The following PDZD8 variants were observed in gnomAD, a reference collection of about 807,000 sequenced individuals.
The protein encoded by PDZD8 is PDZ domain containing 8, also known as PDZ domain-containing protein 8.
PDZD8 carries 14 observed loss-of-function variants against 85.8 expected under a neutral mutation model. That is an observed-to-expected ratio of 0.16 (90% CI 0.11 to 0.26). The LOEUF is 0.26. Among genes scored for constraint, PDZD8 ranks in the 10% least tolerant of loss-of-function variants. The pLI, the probability that PDZD8 is intolerant of heterozygous loss-of-function variation, is 1.00. For missense variants in PDZD8, 1,197 were observed against 1,424.3 expected, an observed-to-expected ratio of 0.84 and a Z score of 2.57; for synonymous variants, 592 against 568.6, an observed-to-expected ratio of 1.04 and a Z score of -0.59.
rs1355918140 is a variant in PDZD8 at position 117,374,714 on chromosome 10, C to G, written c.514G>C (p.Gly172Arg). The change falls in exon 1 of 5, where the codon GGG becomes CGG. Residue 172 changes from glycine (G) to arginine (R), a missense_variant. By Grantham distance (125) the Gly-to-Arg change is moderately radical. Coordinates refer to ENST00000334464, the MANE Select transcript of PDZD8 (RefSeq NM_173791.5). The surrounding 1 kb of genome is among the most constrained non-coding windows in gnomAD (Gnocchi z 7.8). ...TCCCCTTCAGGGCCATCGGGCTCCC[C>G]GGTGGCCGAGGGCACGACTGGCCGC... ...LVRPVVPSAT[G>R]EPDGPEGEAL... 1 of 1,607,582 alleles carries G rather than the reference C, an allele frequency of 6.2e-7. No individual in the cohort carries two copies. Among genetic ancestry groups the G allele is most frequent in the Non-Finnish European group, 8.5e-7 (1 of 1,177,730 alleles).
chr10:117,368,817 G>A (rs539121986), intron 1 of PDZD8, among the ~76,000 whole-genome samples: 150 of 146,042 alleles, frequency 1.0e-3, no homozygotes, highest in East Asian at 3.4e-3. Context: ...TTCTGGCAGA[G>A]TGACTTTTTA....
intron 2 of PDZD8, among the ~76,000 whole-genome samples, chr10:117,337,402 C>G (rs1301118162): frequency 6.6e-6 from 1 of 152,110 alleles, no homozygotes; most frequent in African/African-American, 2.4e-5. Flanking sequence ...CAGCTTTCAT[C>G]AACTCAAAAA....
chr10:117,279,013 T>C lies in PDZD8; in HGVS notation c.*4255A>G, dbSNP rs977472259. ...TCTCCCTGCCCCCAATACCATATACTTTATTGCAATTTTATTTTTGCCTTT... is the reference window on the plus strand; with the variant it reads ...TCTCCCTGCCCCCAATACCATATACCTTATTGCAATTTTATTTTTGCCTTT... On this transcript the variant is annotated 3_prime_UTR_variant, in exon 5 of 5. Coordinates refer to ENST00000334464, the MANE Select transcript of PDZD8 (RefSeq NM_173791.5). 1 of 152,334 alleles carries C rather than the reference T, an allele frequency of 6.6e-6. No homozygotes were observed. Among genetic ancestry groups the C allele is most frequent in the Middle Eastern group, 3.4e-3 (1 of 294 alleles). 9.4% of individuals were successfully genotyped at this position (152,334 alleles called of 1,614,324 possible).
chr10:117,306,991 T>C (rs561697196), intron 3 of PDZD8, among the ~76,000 whole-genome samples: 1 of 152,144 alleles, frequency 6.6e-6, no homozygotes. Flanking sequence ...ACAGACCTTA[T>C]TCCAGCTGAA....
At chr10:117,373,343 T>C (rs1375218346) in intron 1 of PDZD8, among the ~76,000 whole-genome samples, 1 of 152,128 alleles carries the variant, frequency 6.6e-6, no homozygotes, top group Non-Finnish European at 1.5e-5. Context: ...AGAGAGTAAA[T>C]GCTTGATGGG....
intron 3 of PDZD8, among the ~76,000 whole-genome samples, chr10:117,318,342 TTTTG>T (rs1844166320): frequency 1.3e-5 from 2 of 152,318 alleles, no homozygotes; most frequent in East Asian, 3.9e-4. Flanking sequence ...TGTTCACTTT[TTTTG>T]TTTACCATTT....
chr10:117,359,365 A>T (rs1844955742), intron 1 of PDZD8, among the ~76,000 whole-genome samples: 1 of 151,498 alleles, frequency 6.6e-6, no homozygotes, highest in Non-Finnish European at 1.5e-5. Flanking sequence ...ACACTGAGCC[A>T]TGAGTGTGCC....
Position 117,290,274 on chromosome 10 carries a change from A to C in PDZD8, c.1173T>G (p.Ala391=). 6.2e-7 allele frequency: 1 copy of C among 1,614,028 alleles called. No homozygotes were observed. Among genetic ancestry groups the C allele is most frequent in the Non-Finnish European group, 8.5e-7 (1 of 1,179,890 alleles). Residue 391 remains alanine (A), a synonymous_variant, in exon 4 of 5, where the codon GCT becomes GCG. Coordinates refer to ENST00000334464, the MANE Select transcript of PDZD8 (RefSeq NM_173791.5). ...LRLVQSTDGY[A]GHVIIETVAP... is the part of the protein sequence containing the mutation. ...CCACAGTTTCAATGATGACGTGCCC[A>C]GCATACCCATCAGTTGACTGGACAA...
chr10:117,373,742 T>C (rs926469118), intron 1 of PDZD8, among the ~76,000 whole-genome samples: 1 of 151,730 alleles, frequency 6.6e-6, no homozygotes. Context: ...ATCGCGCCAC[T>C]GTACTCCAGC....
chr10:117,334,945 G>A (rs1014470190), intron 2 of PDZD8, among the ~76,000 whole-genome samples: 1 of 151,840 alleles, frequency 6.6e-6, no homozygotes, highest in Non-Finnish European at 1.5e-5. Flanking sequence ...TAGAATAAGA[G>A]AGGTGGGAAA....
intron 3 of PDZD8, among the ~76,000 whole-genome samples, chr10:117,306,937 CAG>C (rs1021018074): frequency 6.6e-6 from 1 of 152,080 alleles, no homozygotes; most frequent in African/African-American, 2.4e-5. Context: ...GTATAACTGC[CAG>C]AGTTAGAAAG....
chr10:117,327,404 T>C (rs1239618611), intron 2 of PDZD8, among the ~76,000 whole-genome samples: 2 of 152,208 alleles, frequency 1.3e-5, no homozygotes, highest in Admixed American at 6.5e-5. Flanking sequence ...TTAAATGCCA[T>C]ATAAGCAAAT....
At chr10:117,295,798 A>G (rs1182789457) in intron 3 of PDZD8, among the ~76,000 whole-genome samples, 1 of 152,202 alleles carries the variant, frequency 6.6e-6, no homozygotes, top group Non-Finnish European at 1.5e-5. Context: ...ATATTCATTA[A>G]TGGTAAAAGC....
intron 3 of PDZD8, among the ~76,000 whole-genome samples, chr10:117,303,515 C>T (rs1191705707): frequency 6.6e-6 from 1 of 152,206 alleles, no homozygotes; most frequent in African/African-American, 2.4e-5. Flanking sequence ...GGGAGAAATT[C>T]AAGCCGGCTG....
rs1037162812 is a variant in PDZD8, at chr10:117,325,053, G to A, written c.996-6079C>T. ...AGTACCAAGCTTTGACTGGAATCTC[G>A]TATTTTCAGATATGACCAGACAACT... On this transcript the variant is annotated intron_variant, in intron 2 of 4. Transcript: ENST00000334464. 2.0e-5 allele frequency among the ~76,000 whole-genome samples: 3 copies of A among 152,198 alleles called. No individual in the cohort carries two copies. In the East Asian group the frequency reaches 5.8e-4, roughly 29 times the overall value.
intron 1 of PDZD8, among the ~76,000 whole-genome samples, chr10:117,346,876 G>C (rs2794416): frequency 0.77 from 116,742 of 151,802 alleles, 45,548 homozygotes; most frequent in Non-Finnish European, 0.85. Flanking sequence ...GGCTATGTAA[G>C]TAGCACACCT....
At chr10:117,298,764 T>A (rs893216871) in intron 3 of PDZD8, among the ~76,000 whole-genome samples, 1 of 152,148 alleles carries the variant, frequency 6.6e-6, no homozygotes, top group Non-Finnish European at 1.5e-5. Context: ...AATCAGCAAA[T>A]AATGTTTACG....
chr10:117,333,123 A>AAAACAAAAAC (rs1384776749), intron 2 of PDZD8, among the ~76,000 whole-genome samples: 9 of 146,168 alleles, frequency 6.2e-5, no homozygotes, highest in Admixed American at 3.4e-4. Context: ...GTCTCAAAAA[A>AAAACAAAAAC]AAAAAAAAAA....
intron 3 of PDZD8, among the ~76,000 whole-genome samples, chr10:117,315,752 T>C (rs1350569852): frequency 6.6e-6 from 1 of 152,156 alleles, no homozygotes; most frequent in African/African-American, 2.4e-5. Flanking sequence ...ATGTGTTCTG[T>C]GGCGCTAACC....
Sources: allele counts gnomAD v4.1 joint callset (sites outside exome capture counted in the v4.1 genomes callset), GRCh38; gene constraint gnomAD v4.1.1; non-coding constraint Gnocchi (gnomAD v3.1); transcripts MANE v1.5; gene names NCBI Gene and HGNC (gene_info 2026-07-23, HGNC 2026-07-21).